PDE10A: variants seen among roughly 807,000 people sequenced by gnomAD.
The protein encoded by PDE10A is cAMP and cAMP-inhibited cGMP 3',5'-cyclic phosphodiesterase 10A.
A neutral mutation model predicts 97.7 loss-of-function variants in PDE10A; 39 were observed. The ratio of observed to expected loss-of-function variants is 0.40; its 90% CI spans 0.31 to 0.52. The LOEUF (loss-of-function observed/expected upper bound fraction) is 0.52, where lower values mean the gene tolerates loss of function less well. Among genes scored for constraint, PDE10A ranks in the 20% least tolerant of loss-of-function variants. The pLI, the probability that PDE10A is intolerant of heterozygous loss-of-function variation, is 0.56. For missense variants in PDE10A, 731 were observed against 1,047.8 expected (o/e 0.70, Z 4.17); for synonymous variants, 371 against 376.8 (o/e 0.98, Z 0.18).
chr6:165,615,549 CTT>C (rs1042682304), intron 1 of PDE10A, among the ~76,000 whole-genome samples: 2 of 152,016 alleles, frequency 1.3e-5, no homozygotes, highest in African/African-American at 4.8e-5. Flanking sequence ...AAAGAAGAAA[CTT>C]TTTAAATGAT....
chr6:165,482,083 T>C (rs920573778), intron 3 of PDE10A, among the ~76,000 whole-genome samples: 5 of 152,192 alleles, frequency 3.3e-5, no homozygotes, highest in Admixed American at 2.0e-4. Flanking sequence ...GAAAACCCCA[T>C]AGGCACGTGC....
intron 1 of PDE10A, among the ~76,000 whole-genome samples, chr6:165,621,693 T>A (rs1030002052): frequency 4.0e-4 from 60 of 151,528 alleles, no homozygotes; most frequent in Non-Finnish European, 7.7e-4. Flanking sequence ...GAGGCAGAGG[T>A]TGCAGTGAGC....
chr6:165,736,319 GC>G (rs953693566), intron 1 of PDE10A, among the ~76,000 whole-genome samples: 53 of 152,278 alleles, frequency 3.5e-4, no homozygotes, highest in African/African-American at 1.2e-3. Context: ...CTTCATAATT[GC>G]TAAGGAATCC....
At chr6:165,506,129 T>C (rs551826286) in intron 2 of PDE10A, among the ~76,000 whole-genome samples, 4 of 152,236 alleles carry the variant, frequency 2.6e-5, no homozygotes, top group Non-Finnish European at 4.4e-5. Flanking sequence ...CTTTTGTTGG[T>C]TTTTTTCCCC....
At chr6:165,653,250 G>A (rs184812360) in intron 1 of PDE10A, among the ~76,000 whole-genome samples, 3 of 152,226 alleles carry the variant, frequency 2.0e-5, no homozygotes, top group East Asian at 3.9e-4. Context: ...CAACATGCTC[G>A]GCACTGAGGT....
At chr6:165,558,431 A>G (rs1219529084) in intron 1 of PDE10A, among the ~76,000 whole-genome samples, 1 of 151,994 alleles carries the variant, frequency 6.6e-6, no homozygotes, top group Admixed American at 6.6e-5. Flanking sequence ...AGGAAGGGGA[A>G]CATCACACAC....
At chr6:165,702,566 A>G (rs1791605529) in intron 1 of PDE10A, among the ~76,000 whole-genome samples, 1 of 152,256 alleles carries the variant, frequency 6.6e-6, no homozygotes, top group African/African-American at 2.4e-5. Flanking sequence ...TCTGAGTGAC[A>G]AGAAGTGTAC....
intron 2 of PDE10A, among the ~76,000 whole-genome samples, chr6:165,497,128 C>T (rs951307987): frequency 1.3e-5 from 2 of 151,866 alleles, no homozygotes; most frequent in Non-Finnish European, 2.9e-5. Flanking sequence ...AGTTCACAAG[C>T]CATATCAAAA....
chr6:165,624,190 G>A (rs1252457539), intron 1 of PDE10A, among the ~76,000 whole-genome samples: 1 of 152,164 alleles, frequency 6.6e-6, no homozygotes, highest in East Asian at 1.9e-4. Flanking sequence ...TCCCTCCTCT[G>A]GCCCAGGCCT....
At chr6:165,528,770 C>T (rs538298289) in intron 2 of PDE10A, among the ~76,000 whole-genome samples, 33 of 152,288 alleles carry the variant, frequency 2.2e-4, no homozygotes, top group Middle Eastern at 3.4e-3. Flanking sequence ...TACCATGTTC[C>T]CCATCATTCT....
At chr6:165,466,457 G>A (rs756302478) in intron 3 of PDE10A, among the ~76,000 whole-genome samples, 2 of 152,204 alleles carry the variant, frequency 1.3e-5, no homozygotes, top group Non-Finnish European at 2.9e-5. Context: ...ACAGGCATAC[G>A]TCATTTTGAT....
intron 1 of PDE10A, among the ~76,000 whole-genome samples, chr6:165,620,970 G>A (rs574512295): frequency 1.3e-5 from 2 of 149,382 alleles, no homozygotes; most frequent in Non-Finnish European, 3.0e-5. Flanking sequence ...GCGGTGAGCC[G>A]AGATCCTGCC....
At chr6:165,910,708 C>A (rs1328486386) in intron 1 of PDE10A, 2 of 105,394 alleles carry the variant, frequency 1.9e-5, no homozygotes, top group Admixed American at 2.2e-4. Flanking sequence ...GTTAAAAATG[C>A]AAAATATCCA....
chr6:165,711,450 T>C lies in PDE10A; in HGVS notation c.-614-167882A>G, dbSNP rs1276322299. On this transcript the variant is annotated intron_variant, in intron 1 of 19. Transcript: ENST00000366882. This position sits in a 1 kb window ranked among gnomAD's most constrained non-coding sequence, Gnocchi z 4.5. ...TTCATGTTAGCTAGAACACCCTGCT[T>C]CTGGTCTTGTCTGGTGGACTCTGCG... Among the ~76,000 whole-genome samples the C allele has an allele frequency of 6.6e-6, 1 of 152,184 alleles. No individual in the cohort carries two copies. The highest frequency in any genetic ancestry group is 1.5e-5 in the Non-Finnish European group (1 of 68,032).
intron 4 of PDE10A, 116 bp from the exon 5 acceptor site, chr6:165,449,093 C>A: frequency 1.4e-6 from 1 of 729,702 alleles, no homozygotes; most frequent in South Asian, 1.6e-5. Flanking sequence ...TTAACAGAAT[C>A]AATGGTCATG....
chr6:165,799,470 T>C (rs1778921981), intron 1 of PDE10A, among the ~76,000 whole-genome samples: 1 of 152,204 alleles, frequency 6.6e-6, no homozygotes. Flanking sequence ...TCTTTCACTA[T>C]GGAGGGATTT....
At position 165,661,847 on chromosome 6, in the gene PDE10A, G is replaced by T. The variant is rs1790282182; in HGVS notation, c.865+100C>A. 1 of 630,350 alleles carries T rather than the reference G, an allele frequency of 1.6e-6. No homozygotes were observed. The allele number at this position is 630,350 out of a possible 1,614,324, so 39.0% of individuals were successfully genotyped here. A position where few individuals can be genotyped will look rare whatever the true frequency, so the allele number is the denominator to read the frequency against. On this transcript the variant is annotated intron_variant, in intron 1 of 21. Coordinates refer to ENST00000539869, the MANE Select transcript of PDE10A (RefSeq NM_001385079.1). The surrounding 1 kb of genome is among the most constrained non-coding windows in gnomAD (Gnocchi z 4.8). ...CTCCACGCCCGGGCACGGGCACCTCGCTCGACACCCGCTTCCCACCCAGCA... is the reference window on the plus strand; with the variant it reads ...CTCCACGCCCGGGCACGGGCACCTCTCTCGACACCCGCTTCCCACCCAGCA...
chr6:165,724,248 A>G (rs777899672), intron 1 of PDE10A, among the ~76,000 whole-genome samples: 1 of 152,226 alleles, frequency 6.6e-6, no homozygotes, highest in Non-Finnish European at 1.5e-5. Flanking sequence ...GTAGAAGTCA[A>G]CTAGTCTAAC....
intron 18 of PDE10A, 48 bp from the exon 19 acceptor site, chr6:165,343,550 A>G (rs1213433173): frequency 1.5e-6 from 2 of 1,311,600 alleles, no homozygotes; most frequent in Non-Finnish European, 2.2e-6. Context: ...TTGCACATTT[A>G]TAGTAAGGAC....
Sources: gnomAD v4.1 joint callset for allele counts (sites outside exome capture counted in the v4.1 genomes callset) on GRCh38, gnomAD v4.1.1 for gene constraint, Gnocchi (gnomAD v3.1) non-coding constraint, MANE v1.5 for transcripts, NCBI Gene and HGNC (gene_info 2026-07-23, HGNC 2026-07-21) for gene names.